STPG2: variants seen among roughly 807,000 people sequenced by gnomAD.
STPG2 encodes sperm-tail PG-rich repeat-containing protein 2.
In STPG2, 56 loss-of-function variants were observed where a neutral mutation model predicts 54.2. The ratio of observed to expected loss-of-function variants is 1.03; its 90% CI spans 0.83 to 1.29. The LOEUF is 1.29. Among genes scored for constraint, STPG2 ranks in the 50% most tolerant of loss-of-function variants. The pLI is 0.00. For synonymous variants in STPG2, 200 were observed against 181.8 expected (o/e 1.10, Z -0.81); for missense variants, 596 against 544.9 (o/e 1.09, Z -0.93).
At chr4:97,925,670 A>G (rs914826199) in intron 8 of STPG2, among the ~76,000 whole-genome samples, 8 of 152,226 alleles carry the variant, frequency 5.3e-5, no homozygotes, top group Non-Finnish European at 8.8e-5. Flanking sequence ...GAAAGAAGTG[A>G]GAGTAACAAA....
chr4:97,781,546 A>T (rs1263847287), intron 9 of STPG2, among the ~76,000 whole-genome samples: 2 of 152,220 alleles, frequency 1.3e-5, no homozygotes, highest in African/African-American at 4.8e-5. Flanking sequence ...TATTCCAATC[A>T]ATAGAAAAAG....
intron 10 of STPG2, among the ~76,000 whole-genome samples, chr4:97,606,912 G>A (rs1733609459): frequency 6.6e-6 from 1 of 151,898 alleles, no homozygotes; most frequent in Non-Finnish European, 1.5e-5. Flanking sequence ...CAAATGTACT[G>A]GCACTTATAG....
chr4:97,470,984 T>A (rs1729913061), intron 4 of STPG2, among the ~76,000 whole-genome samples: 1 of 152,118 alleles, frequency 6.6e-6, no homozygotes, highest in Non-Finnish European at 1.5e-5. Context: ...TATCGATGGT[T>A]GGGTATTAGG....
intron 10 of STPG2, among the ~76,000 whole-genome samples, chr4:97,631,527 T>G (rs1229504454): frequency 2.0e-5 from 3 of 152,120 alleles, no homozygotes; most frequent in Admixed American, 6.6e-5. Context: ...CTCTGTAGTT[T>G]TAGATAATCA....
intron 10 of STPG2, among the ~76,000 whole-genome samples, chr4:97,696,457 G>A (rs1302458369): frequency 6.6e-6 from 1 of 152,288 alleles, no homozygotes; most frequent in Non-Finnish European, 1.5e-5. Context: ...TTTAGACACT[G>A]GCTTAGGCCA....
Position 98,026,465 on chromosome 4 carries a change from C to T in STPG2, c.613-45147G>A, listed in dbSNP as rs149262070. ...TCTAATATTAGTTGGCAAGAGAGGG[C>T]ACCAGATGGACATTGTATGTCATGG... On this transcript the variant is annotated intron_variant, in intron 5 of 10. Transcript: ENST00000295268. 3.9e-5 allele frequency among the ~76,000 whole-genome samples: 6 copies of T among 152,250 alleles called. No individual in the cohort carries two copies. The East Asian group carries it at 1.2e-3, about 29-fold the overall frequency.
At chr4:97,830,230 A>C (rs1728409215) in intron 9 of STPG2, among the ~76,000 whole-genome samples, 1 of 152,216 alleles carries the variant, frequency 6.6e-6, no homozygotes, top group Non-Finnish European at 1.5e-5. Context: ...CAACATTCTT[A>C]AAGAAAAGTA....
At chr4:97,886,819 A>C (rs1730587630) in intron 8 of STPG2, among the ~76,000 whole-genome samples, 1 of 152,182 alleles carries the variant, frequency 6.6e-6, no homozygotes, top group African/African-American at 2.4e-5. Flanking sequence ...AGGTGATTGA[A>C]TCATGTCAGT....
intron 8 of STPG2, among the ~76,000 whole-genome samples, chr4:97,903,907 C>T (rs570267962): frequency 2.6e-5 from 4 of 152,316 alleles, no homozygotes; most frequent in African/African-American, 4.8e-5. Flanking sequence ...TAAAAAATGG[C>T]GCACCACGAG....
intron 10 of STPG2, among the ~76,000 whole-genome samples, chr4:97,566,668 G>A (rs375387514): frequency 6.6e-6 from 1 of 152,070 alleles, no homozygotes; most frequent in African/African-American, 2.4e-5. Context: ...TTAAGAAAAT[G>A]TGGCACATAT....
At chr4:97,618,623 C>G (rs1460002648) in intron 10 of STPG2, among the ~76,000 whole-genome samples, 1 of 152,108 alleles carries the variant, frequency 6.6e-6, no homozygotes, top group Non-Finnish European at 1.5e-5. Context: ...ATTTTAATAT[C>G]ATCTGAAGAG....
At chr4:97,957,337 T>C (rs570762340) in intron 7 of STPG2, among the ~76,000 whole-genome samples, 67 of 151,828 alleles carry the variant, frequency 4.4e-4, no homozygotes, top group African/African-American at 1.5e-3. Context: ...AACTTGAAGC[T>C]TGAAGACAAT....
chr4:97,809,903 T>TA lies in STPG2; in HGVS notation c.1204+30869dup, dbSNP rs879801094. 2.5e-3 allele frequency among the ~76,000 whole-genome samples: 371 copies of TA among 149,980 alleles called. 1 individual carries two copies. The highest frequency in any genetic ancestry group is 2.7e-3 in the Non-Finnish European group (185 of 67,344). On this transcript the variant is annotated intron_variant, in intron 9 of 10. Coordinates refer to ENST00000295268, the MANE Select transcript of STPG2 (RefSeq NM_174952.3). ...TTTGTGGCAATTTGTTACACAGCAA[T>TA]AAAAAAAAATGCACTAGTATTTAAA...
chr4:97,896,601 AC>A (rs1030328163), intron 8 of STPG2, among the ~76,000 whole-genome samples: 2 of 151,798 alleles, frequency 1.3e-5, no homozygotes, highest in Non-Finnish European at 3.0e-5. Flanking sequence ...ATTTAAATAC[AC>A]CCATCACTAT....
At chr4:97,660,597 G>C (rs1338091376) in intron 10 of STPG2, among the ~76,000 whole-genome samples, 1 of 152,182 alleles carries the variant, frequency 6.6e-6, no homozygotes, top group Admixed American at 6.5e-5. Context: ...AATATTTCCA[G>C]ATCTAGGATT....
intron 4 of STPG2, among the ~76,000 whole-genome samples, chr4:97,534,110 T>C (rs1560647751): frequency 1.3e-5 from 2 of 152,154 alleles, no homozygotes; most frequent in Admixed American, 1.3e-4. Context: ...TAAGTGGGTG[T>C]ATAATGGTAT....
At chr4:97,447,986 GC>G (rs1729269200) in intron 4 of STPG2, among the ~76,000 whole-genome samples, 1 of 152,160 alleles carries the variant, frequency 6.6e-6, no homozygotes, top group Non-Finnish European at 1.5e-5. Flanking sequence ...GGCTGTGGGA[GC>G]CCCCTCCCCA....
At chr4:97,505,833 A>G (rs1336586551) in intron 4 of STPG2, among the ~76,000 whole-genome samples, 1 of 151,572 alleles carries the variant, frequency 6.6e-6, no homozygotes, top group Admixed American at 6.6e-5. Context: ...TTATTAGTGG[A>G]TGTATTAGTG....
chr4:97,836,351 C>G (rs930234427), intron 9 of STPG2, among the ~76,000 whole-genome samples: 1 of 151,836 alleles, frequency 6.6e-6, no homozygotes, highest in Non-Finnish European at 1.5e-5. Flanking sequence ...TCACTGAAAG[C>G]TCAAATGATT....
Sources: allele counts gnomAD v4.1 joint callset (sites outside exome capture counted in the v4.1 genomes callset), GRCh38; gene constraint gnomAD v4.1.1; transcripts MANE v1.5; gene names NCBI Gene and HGNC (gene_info 2026-07-23, HGNC 2026-07-21).